SH3RF1: variants seen among roughly 807,000 people sequenced by gnomAD.
SH3RF1 encodes E3 ubiquitin-protein ligase SH3RF1.
In SH3RF1, 32 loss-of-function variants were observed where a neutral mutation model predicts 74.0. The observed-to-expected ratio is 0.43, with a 90% CI of 0.33 to 0.58. The LOEUF (loss-of-function observed/expected upper bound fraction) is 0.58, where lower values mean the gene tolerates loss of function less well. Ranked by LOEUF, SH3RF1 falls within the 20% of genes least tolerant of loss-of-function variation. The pLI, the probability that SH3RF1 is intolerant of heterozygous loss-of-function variation, is 0.05. For missense variants in SH3RF1, 954 were observed against 1,130.9 expected, an observed-to-expected ratio of 0.84 and a Z score of 2.24; for synonymous variants, 396 against 439.6, an observed-to-expected ratio of 0.90 and a Z score of 1.24.
intron 2 of SH3RF1, among the ~76,000 whole-genome samples, chr4:169,234,178 G>A (rs189277996): frequency 9.2e-5 from 14 of 152,206 alleles, no homozygotes; most frequent in African/African-American, 3.4e-4. Flanking sequence ...AGGAACGTGT[G>A]ACAATGTCAA....
At chr4:169,205,212 G>A (rs1730234931) in intron 2 of SH3RF1, among the ~76,000 whole-genome samples, 2 of 152,076 alleles carry the variant, frequency 1.3e-5, no homozygotes, top group Non-Finnish European at 2.9e-5. Context: ...TTTCTTTGTT[G>A]GCAAGAGCTG....
intron 6 of SH3RF1, among the ~76,000 whole-genome samples, chr4:169,127,315 G>C (rs1320855345): frequency 6.6e-6 from 1 of 152,030 alleles, no homozygotes. Context: ...TATTCTACTG[G>C]TGGCATTTAT....
chr4:169,153,092 C>T (rs1449959300), intron 4 of SH3RF1, among the ~76,000 whole-genome samples: 1 of 152,162 alleles, frequency 6.6e-6, no homozygotes. Context: ...ATATCCATTA[C>T]CTAAGTCGGC....
At chr4:169,114,510 G>C (rs771073485) in intron 10 of SH3RF1, among the ~76,000 whole-genome samples, 90 of 151,264 alleles carry the variant, frequency 5.9e-4, no homozygotes, top group Non-Finnish European at 1.0e-3. Context: ...ACATCCTTGG[G>C]GAGTCACTAT....
intron 4 of SH3RF1, among the ~76,000 whole-genome samples, chr4:169,146,673 G>C (rs1361239073): frequency 6.6e-6 from 1 of 152,136 alleles, no homozygotes; most frequent in African/African-American, 2.4e-5. Context: ...TAACTGCAGG[G>C]AGTAAGAAAG....
intron 5 of SH3RF1, among the ~76,000 whole-genome samples, chr4:169,134,833 C>T (rs547564391): frequency 6.6e-6 from 1 of 152,310 alleles, no homozygotes; most frequent in South Asian, 2.1e-4. Context: ...CTTATGTCTG[C>T]CACTTAGAAT....
intron 10 of SH3RF1, among the ~76,000 whole-genome samples, chr4:169,107,735 G>A (rs924211543): frequency 6.6e-6 from 1 of 152,080 alleles, no homozygotes; most frequent in Non-Finnish European, 1.5e-5. Context: ...GCATGGACGT[G>A]AGCCTTATCA....
intron 4 of SH3RF1, among the ~76,000 whole-genome samples, chr4:169,155,013 G>A (rs931307793): frequency 2.6e-5 from 4 of 152,188 alleles, no homozygotes; most frequent in Non-Finnish European, 4.4e-5. Context: ...TGGGATGGAG[G>A]AAGATTCATT....
In SH3RF1 at chr4:169,191,185, C is replaced by T. The variant is rs140847982; in HGVS notation, c.394-34506G>A. On this transcript the variant is annotated intron_variant, in intron 2 of 11. Coordinates refer to ENST00000284637, the MANE Select transcript of SH3RF1 (RefSeq NM_020870.4). Reference sequence around the variant, plus strand: ...AACAAGACAAGGATGCCCACCGTCACCACTCCTCTTCAACATACAAAATTA... The same window carrying T: ...AACAAGACAAGGATGCCCACCGTCATCACTCCTCTTCAACATACAAAATTA... Among the ~76,000 whole-genome samples the T allele has an allele frequency of 3.8e-3, 576 of 151,990 alleles. 6 individuals carry two copies. The highest frequency in any genetic ancestry group is 0.013 in the African/African-American group (548 of 41,460).
chr4:169,246,871 A>G (rs1731002201), intron 2 of SH3RF1, among the ~76,000 whole-genome samples: 1 of 152,252 alleles, frequency 6.6e-6, no homozygotes, highest in Non-Finnish European at 1.5e-5. Context: ...GGTAAATATG[A>G]CAATCTTGCA....
chr4:169,215,384 T>G (rs1730445291), intron 2 of SH3RF1, among the ~76,000 whole-genome samples: 1 of 152,230 alleles, frequency 6.6e-6, no homozygotes, highest in African/African-American at 2.4e-5. Flanking sequence ...TACACCTATG[T>G]TCATGACAGA....
chr4:169,144,371 T>C (rs1347305216), intron 4 of SH3RF1, among the ~76,000 whole-genome samples: 2 of 152,140 alleles, frequency 1.3e-5, no homozygotes, highest in Admixed American at 6.6e-5. Flanking sequence ...AAATATCCCA[T>C]TCAAAATATT....
intron 2 of SH3RF1, among the ~76,000 whole-genome samples, chr4:169,199,533 T>G (rs1451410914): frequency 6.6e-6 from 1 of 152,148 alleles, no homozygotes; most frequent in African/African-American, 2.4e-5. Flanking sequence ...AAGTCACTTC[T>G]GTTCACATCC....
At chr4:169,190,560 G>C (rs1042882048) in intron 2 of SH3RF1, among the ~76,000 whole-genome samples, 3 of 151,372 alleles carry the variant, frequency 2.0e-5, no homozygotes, top group African/African-American at 7.3e-5. Flanking sequence ...AACAAGCAGA[G>C]AGACTGAAAT....
chr4:169,145,160 T>C (rs1211220607), intron 4 of SH3RF1, among the ~76,000 whole-genome samples: 1 of 152,164 alleles, frequency 6.6e-6, no homozygotes, highest in African/African-American at 2.4e-5. Flanking sequence ...CTATTCACAA[T>C]AGCAAAGTCA....
At chr4:169,163,111 A>G (rs1734177445) in intron 2 of SH3RF1, among the ~76,000 whole-genome samples, 1 of 152,098 alleles carries the variant, frequency 6.6e-6, no homozygotes, top group South Asian at 2.1e-4. Flanking sequence ...AGAAAAAAAA[A>G]AACAAACTAG....
chr4:169,141,815 T>TC (rs928943001), intron 4 of SH3RF1, among the ~76,000 whole-genome samples: 1 of 147,550 alleles, frequency 6.8e-6, no homozygotes, highest in Admixed American at 6.7e-5. Flanking sequence ...ATTTTTGCTT[T>TC]TTTTTTTTTT....
At chr4:169,130,861 T>G (rs988395973) in intron 5 of SH3RF1, among the ~76,000 whole-genome samples, 1 of 152,236 alleles carries the variant, frequency 6.6e-6, no homozygotes, top group Non-Finnish European at 1.5e-5. Context: ...TCAGGTTGCA[T>G]AGCAGGTCCA....
rs1459901322 is a variant in SH3RF1, at chr4:169,095,039, G to C, written c.*1480C>G. ...CCGGACTACCCAGATCCATGACTGC[G>C]TGGCACCGTAATGAAATCGGTGGGA... On this transcript the variant is annotated 3_prime_UTR_variant, in exon 12 of 12. Transcript: ENST00000284637. 6.6e-6 allele frequency: 1 copy of C among 152,548 alleles called. No individual in the cohort carries two copies. Among genetic ancestry groups the C allele is most frequent in the Admixed American group, 6.5e-5 (1 of 15,274 alleles). 9.4% of individuals were successfully genotyped at this position (152,548 alleles called of 1,614,324 possible).
Sources: allele counts gnomAD v4.1 joint callset (sites outside exome capture counted in the v4.1 genomes callset), GRCh38; gene constraint gnomAD v4.1.1; transcripts MANE v1.5; gene names NCBI Gene and HGNC (gene_info 2026-07-23, HGNC 2026-07-21).